Variants in GRIK4 observed in about 807,000 individuals in gnomAD.
GRIK4 encodes glutamate receptor ionotropic, kainate 4.
GRIK4 carries 40 observed loss-of-function variants against 104.9 expected under a neutral mutation model. That is an observed-to-expected ratio of 0.38 (90% CI 0.30 to 0.50). The LOEUF (loss-of-function observed/expected upper bound fraction) is 0.50, where lower values mean the gene tolerates loss of function less well. Ranked by LOEUF, GRIK4 falls within the 20% of genes least tolerant of loss-of-function variation. GRIK4 has a pLI of 0.93. For synonymous variants in GRIK4, 485 were observed against 524.9 expected (o/e 0.92, Z 1.04); for missense variants, 1,047 against 1,308.1 (o/e 0.80, Z 3.08).
At chr11:120,984,351 T>C (rs1369032740) in intron 20 of GRIK4, among the ~76,000 whole-genome samples, 1 of 152,086 alleles carries the variant, frequency 6.6e-6, no homozygotes, top group Admixed American at 6.5e-5. Flanking sequence ...AGGCTTGGAG[T>C]TGATAGGTTT....
At chr11:120,632,450 CCTCT>C (rs1406169915) in intron 1 of GRIK4, among the ~76,000 whole-genome samples, 1 of 152,104 alleles carries the variant, frequency 6.6e-6, no homozygotes, top group African/African-American at 2.4e-5. Flanking sequence ...CCCTTCTCCT[CCTCT>C]CTTTCTTCTC....
intron 3 of GRIK4, among the ~76,000 whole-genome samples, chr11:120,752,369 C>T (rs992212296): frequency 6.6e-6 from 1 of 152,122 alleles, no homozygotes; most frequent in African/African-American, 2.4e-5. Context: ...TCAGCAGAGC[C>T]CCCCCATGAT....
chr11:120,571,518 A>G (rs1948398989), intron 1 of GRIK4, among the ~76,000 whole-genome samples: 1 of 152,146 alleles, frequency 6.6e-6, no homozygotes, highest in Admixed American at 6.5e-5. Flanking sequence ...ATGCTGCACT[A>G]GTAAGTGGCA....
chr11:120,928,138 C>G (rs892338281), intron 13 of GRIK4, among the ~76,000 whole-genome samples: 6 of 149,112 alleles, frequency 4.0e-5, no homozygotes, highest in African/African-American at 1.5e-4. Flanking sequence ...TGGCTGGAAC[C>G]TGGGAGGTGG....
chr11:120,983,047 G>A (rs1022313764), intron 20 of GRIK4, among the ~76,000 whole-genome samples: 21 of 152,114 alleles, frequency 1.4e-4, no homozygotes, highest in African/African-American at 5.1e-4. Flanking sequence ...GAAATCAGGA[G>A]TGGCTAGCCC....
chr11:120,915,852 C>G (rs1300239398), intron 13 of GRIK4, among the ~76,000 whole-genome samples: 1 of 152,178 alleles, frequency 6.6e-6, no homozygotes, highest in Non-Finnish European at 1.5e-5. Context: ...TACTCTGTTC[C>G]ACAGATGAGG....
At chr11:120,866,974 T>C (rs1489230022) in intron 9 of GRIK4, among the ~76,000 whole-genome samples, 2 of 152,150 alleles carry the variant, frequency 1.3e-5, no homozygotes, top group African/African-American at 4.8e-5. Flanking sequence ...AGTGGTCATG[T>C]AGCCCTTTTG....
At chr11:120,794,868 TGGC>T (rs1357574932) in intron 3 of GRIK4, among the ~76,000 whole-genome samples, 2 of 152,182 alleles carry the variant, frequency 1.3e-5, no homozygotes, top group East Asian at 1.9e-4. Context: ...AGGCATGAGT[TGGC>T]GGCGGGAGCG....
rs1221046453 is a variant in GRIK4 at position 120,988,551 on chromosome 11, T to C, written c.*2291T>C. On this transcript the variant is annotated 3_prime_UTR_variant, in exon 21 of 21. Coordinates refer to ENST00000527524, the MANE Select transcript of GRIK4 (RefSeq NM_014619.5). Reference sequence around the variant, plus strand: ...TTTCTTTCTCCGTGTGGAATCAAGATAAGACTGCCAGCACTAGACGGTTTC... The same window carrying C: ...TTTCTTTCTCCGTGTGGAATCAAGACAAGACTGCCAGCACTAGACGGTTTC... The C allele has an allele frequency of 1.3e-5, 2 of 152,236 alleles. No individual in the cohort carries two copies. Among genetic ancestry groups the C allele is most frequent in the African/African-American group, 4.8e-5 (2 of 41,456 alleles). 9.4% of individuals were successfully genotyped at this position (152,236 alleles called of 1,614,324 possible). A position where few individuals can be genotyped will look rare whatever the true frequency, so the allele number is the denominator to read the frequency against.
At chr11:120,842,311 A>C (rs1953738414) in intron 8 of GRIK4, among the ~76,000 whole-genome samples, 1 of 152,238 alleles carries the variant, frequency 6.6e-6, no homozygotes, top group Admixed American at 6.5e-5. Flanking sequence ...TAGGAAAACA[A>C]CATGGAAGAT....
chr11:120,828,276 C>CTATGCACATACACATACT (rs1180298132), intron 6 of GRIK4, among the ~76,000 whole-genome samples: 1 of 152,230 alleles, frequency 6.6e-6, no homozygotes. Context: ...ACACACACAT[C>CTATGCACATACACATACT]TATGCACATA....
intron 3 of GRIK4, among the ~76,000 whole-genome samples, chr11:120,747,303 T>C (rs1591860978): frequency 1.3e-5 from 2 of 152,206 alleles, no homozygotes; most frequent in East Asian, 1.9e-4. Flanking sequence ...TGTTGGAAGC[T>C]GATTAACTGC....
chr11:120,747,472 G>GA (rs1951464851), intron 3 of GRIK4, among the ~76,000 whole-genome samples: 1 of 152,164 alleles, frequency 6.6e-6, no homozygotes, highest in Non-Finnish European at 1.5e-5. Flanking sequence ...AGAAGTGATG[G>GA]AAAAAGTCCA....
intron 11 of GRIK4, among the ~76,000 whole-genome samples, chr11:120,893,704 G>A (rs1592050231): frequency 6.6e-6 from 1 of 152,228 alleles, no homozygotes; most frequent in Non-Finnish European, 1.5e-5. Flanking sequence ...CTCTGTGCTT[G>A]GTGACATCAT....
chr11:120,876,173 C>A (rs1954786135), intron 11 of GRIK4, among the ~76,000 whole-genome samples: 1 of 147,622 alleles, frequency 6.8e-6, no homozygotes, highest in Non-Finnish European at 1.5e-5. Context: ...ATCATCACCA[C>A]CCCCACCATC....
At chr11:120,982,276 C>T (rs1462746537) in intron 20 of GRIK4, 52 bp downstream of exon 20, 2 of 958,828 alleles carry the variant, frequency 2.1e-6, no homozygotes, top group Admixed American at 1.7e-5. Context: ...GGGTGAAGTT[C>T]ACAGGCTCAT....
intron 8 of GRIK4, among the ~76,000 whole-genome samples, chr11:120,853,502 A>G (rs1392231444): frequency 1.3e-5 from 2 of 152,174 alleles, no homozygotes; most frequent in Non-Finnish European, 2.9e-5. Context: ...CAAGAGATGT[A>G]AAGGAATTAT....
intron 4 of GRIK4, among the ~76,000 whole-genome samples, chr11:120,807,603 G>A (rs923360207): frequency 2.6e-5 from 4 of 152,206 alleles, no homozygotes; most frequent in African/African-American, 9.7e-5. Flanking sequence ...CCTCTGAGAA[G>A]TGAGGGCTAG....
At chr11:120,817,935 C>A (rs1387504194) in intron 5 of GRIK4, among the ~76,000 whole-genome samples, 2 of 152,246 alleles carry the variant, frequency 1.3e-5, no homozygotes. Flanking sequence ...ATATACCCTA[C>A]ACACAGGTTC....
Sources: gnomAD v4.1 joint callset for allele counts (sites outside exome capture counted in the v4.1 genomes callset) on GRCh38, gnomAD v4.1.1 for gene constraint, MANE v1.5 for transcripts, NCBI Gene and HGNC (gene_info 2026-07-23, HGNC 2026-07-21) for gene names.